C2orf49: variants seen among roughly 807,000 people sequenced by gnomAD.
C2orf49 encodes the protein tRNA splicing ligase complex subunit 2.
C2orf49 carries 11 observed loss-of-function variants against 20.6 expected under a neutral mutation model. The observed-to-expected ratio is 0.53, with a 90% CI of 0.34 to 0.88. The LOEUF is 0.88. C2orf49 is among the 40% of genes least tolerant of loss of function. The pLI, the probability that C2orf49 is intolerant of heterozygous loss-of-function variation, is 0.02. For missense variants in C2orf49, 289 were observed against 274.2 expected (o/e 1.05, Z -0.38); for synonymous variants, 134 against 108.5 (o/e 1.24, Z -1.46).
chr2:105,371,175 TG>T, the C2orf49 span, among the ~76,000 whole-genome samples: 1 of 152,206 alleles, frequency 6.6e-6, no homozygotes, highest in Non-Finnish European at 1.5e-5. Flanking sequence ...TCAGCGTGGC[TG>T]GGCTCTGGTA....
chr2:105,363,488 G>T, the C2orf49 span: 2 of 1,590,370 alleles, frequency 1.3e-6, no homozygotes, highest in Non-Finnish European at 1.7e-6. Context: ...GGACGAGGGG[G>T]AGAGTTAGTG....
chr2:105,346,346 T>A lies in C2orf49; in HGVS notation c.*975T>A, dbSNP rs1177322722. 1 of 152,224 alleles carries A rather than the reference T, an allele frequency of 6.6e-6. No individual in the cohort carries two copies. Among genetic ancestry groups the A allele is most frequent in the African/African-American group, 2.4e-5 (1 of 41,454 alleles). The allele number at this position is 152,224 out of a possible 1,614,324, so 9.4% of individuals were successfully genotyped here. On this transcript the variant is annotated 3_prime_UTR_variant, in exon 4 of 4. Transcript: ENST00000258457. Reference sequence around the variant, plus strand: ...TAACAATTGATACATATATTATGAGTTGACTGGTCGATTCTGTACCTGGCC... The same window carrying A: ...TAACAATTGATACATATATTATGAGATGACTGGTCGATTCTGTACCTGGCC...
At chr2:105,369,054 T>C in the C2orf49 span, among the ~76,000 whole-genome samples, 4 of 152,164 alleles carry the variant, frequency 2.6e-5, no homozygotes, top group Non-Finnish European at 4.4e-5. Context: ...GTTGTAATAG[T>C]TGAGTAGTTG....
At chr2:105,374,011 TC>T in the C2orf49 span, 1 of 466,690 alleles carries the variant, frequency 2.1e-6, no homozygotes, top group East Asian at 4.0e-5. Context: ...CAAAGGGATT[TC>T]CCTTATGTAT....
the C2orf49 span, among the ~76,000 whole-genome samples, chr2:105,354,248 T>G: frequency 1.3e-5 from 2 of 152,256 alleles, no homozygotes; most frequent in Non-Finnish European, 2.9e-5. Context: ...TTTAATGAGT[T>G]TCTTGCCTTG....
chr2:105,337,570 G>C lies in C2orf49; in HGVS notation c.-18G>C. The C allele has an allele frequency of 6.2e-7, 1 of 1,613,338 alleles. No individual in the cohort carries two copies. Among genetic ancestry groups the C allele is most frequent in the South Asian group, 1.1e-5 (1 of 91,066 alleles). ...CGGGGCTTTGTGGGTAGCCGACTGG[G>C]GTCTCCTGGCGACGACCATGGCGGG... On this transcript the variant is annotated 5_prime_UTR_variant, in exon 1 of 4. Transcript: ENST00000258457.
chr2:105,360,341 G>A, the C2orf49 span: 5 of 149,450 alleles, frequency 3.3e-5, no homozygotes, highest in African/African-American at 1.2e-4. Flanking sequence ...TAGCAAGGAA[G>A]AGGTGCCTGG....
the C2orf49 span, among the ~76,000 whole-genome samples, chr2:105,379,548 T>C: frequency 1.3e-5 from 2 of 152,208 alleles, no homozygotes; most frequent in Admixed American, 6.5e-5. Context: ...GATGAGCAGA[T>C]TCAATGTAAC....
chr2:105,350,154 C>T (rs1679902946), downstream of C2orf49, among the ~76,000 whole-genome samples: 1 of 152,106 alleles, frequency 6.6e-6, no homozygotes, highest in Non-Finnish European at 1.5e-5. Context: ...GGGATCAGTC[C>T]AAATTGATGA....
chr2:105,356,849 A>G, the C2orf49 span, among the ~76,000 whole-genome samples: 1 of 152,162 alleles, frequency 6.6e-6, no homozygotes, highest in East Asian at 1.9e-4. Flanking sequence ...TGGTCTCTGC[A>G]TTTATCTTAC....
the C2orf49 span, among the ~76,000 whole-genome samples, chr2:105,372,229 CT>C: frequency 5.1e-5 from 4 of 78,256 alleles, no homozygotes; most frequent in Admixed American, 6.6e-4. Flanking sequence ...TCCTACATAA[CT>C]TTCTTTTTTT....
the C2orf49 span, chr2:105,363,453 C>A: frequency 1.2e-6 from 2 of 1,609,976 alleles, no homozygotes; most frequent in East Asian, 2.2e-5. Flanking sequence ...CGGTAAGTGA[C>A]CCCTCCCGTG....
chr2:105,374,427 CT>C, the C2orf49 span: 1 of 154,072 alleles, frequency 6.5e-6, no homozygotes, highest in Non-Finnish European at 1.4e-5. Context: ...GCCTTTTTGC[CT>C]TTTATGTCTG....
the C2orf49 span, chr2:105,378,371 G>A: frequency 8.5e-6 from 3 of 354,810 alleles, no homozygotes; most frequent in Admixed American, 3.8e-5. Flanking sequence ...CTGCTCTATC[G>A]GATCCCACCT....
chr2:105,337,784 C>A, intron 1 of C2orf49, 98 bp downstream of exon 1: 1 of 1,112,704 alleles, frequency 9.0e-7, no homozygotes, highest in Non-Finnish European at 1.3e-6. Context: ...ACCACGGACA[C>A]TCCCGCCGGG....
the C2orf49 span, chr2:105,358,971 CAG>C: frequency 2.0e-5 from 3 of 152,218 alleles, no homozygotes; most frequent in Non-Finnish European, 2.9e-5. Context: ...GGTTTCCTAA[CAG>C]AGTTTTAGAT....
At chr2:105,351,616 G>A (rs935533989), downstream of C2orf49, among the ~76,000 whole-genome samples, 8 of 151,962 alleles carry the variant, frequency 5.3e-5, no homozygotes, top group South Asian at 2.1e-4. Context: ...CTTTCAGTTC[G>A]CTCCCGTTTC....
chr2:105,361,205 G>A, the C2orf49 span: 7 of 1,463,394 alleles, frequency 4.8e-6, no homozygotes, highest in Non-Finnish European at 6.5e-6. Context: ...GAAACCAGAA[G>A]GCAAGATTGC....
At chr2:105,353,957 A>C (rs1177442400), downstream of C2orf49, among the ~76,000 whole-genome samples, 1 of 152,222 alleles carries the variant, frequency 6.6e-6, no homozygotes, top group Admixed American at 6.5e-5. Context: ...GGGTTTATTT[A>C]TTGTGCTGAC....
Sources: gnomAD v4.1 joint callset for allele counts (sites outside exome capture counted in the v4.1 genomes callset) on GRCh38, gnomAD v4.1.1 for gene constraint, MANE v1.5 for transcripts, NCBI Gene and HGNC (gene_info 2026-07-23, HGNC 2026-07-21) for gene names.